The following SLC22A8 variants were observed in gnomAD, a reference collection of about 807,000 sequenced individuals.
SLC22A8 encodes organic anion transporter 3.
A neutral mutation model predicts 48.4 loss-of-function variants in SLC22A8; 40 were observed. That is an observed-to-expected ratio of 0.83 (90% CI 0.64 to 1.08). SLC22A8 has a LOEUF of 1.08. SLC22A8 is among the 50% of genes least tolerant of loss of function. The pLI, the probability that SLC22A8 is intolerant of heterozygous loss-of-function variation, is 0.00. For missense variants in SLC22A8, 606 were observed against 699.0 expected, an observed-to-expected ratio of 0.87 and a Z score of 1.50; for synonymous variants, 268 against 286.3, an observed-to-expected ratio of 0.94 and a Z score of 0.65.
intron 5 of SLC22A8, among the ~76,000 whole-genome samples, chr11:62,996,870 A>C (rs552071683): frequency 2.6e-5 from 4 of 152,362 alleles, no homozygotes; most frequent in Admixed American, 2.6e-4. Context: ...TGTTTGGAGA[A>C]GTCTGGTCCA....
At chr11:63,007,584 C>T (rs772456566) in intron 2 of SLC22A8, among the ~76,000 whole-genome samples, 6 of 152,210 alleles carry the variant, frequency 3.9e-5, no homozygotes, top group Non-Finnish European at 8.8e-5. Flanking sequence ...GCCTCAGCCT[C>T]CCAAAATGCT....
intron 2 of SLC22A8, among the ~76,000 whole-genome samples, chr11:63,013,667 G>A (rs1030918891): frequency 2.0e-5 from 3 of 152,182 alleles, no homozygotes; most frequent in African/African-American, 7.2e-5. Flanking sequence ...CAGCCATGTG[G>A]CACTGGACAA....
chr11:63,001,878 C>T (rs377611802), intron 2 of SLC22A8, among the ~76,000 whole-genome samples: 34 of 152,116 alleles, frequency 2.2e-4, no homozygotes, highest in East Asian at 7.7e-4. Context: ...TCATTAAAGT[C>T]CCAATCTCAG....
At position 63,000,953 on chromosome 11, in the gene SLC22A8, C is replaced by G. The variant is rs867557872; in HGVS notation, c.334-130G>C. ...GACTTTGCCCCTACCTCCCAAGGAC[C>G]GTTTCCTTTTTCAGCCCGGCTCGGA... On this transcript the variant is annotated intron_variant, in intron 2 of 10. Coordinates refer to ENST00000336232, the MANE Select transcript of SLC22A8 (RefSeq NM_004254.4). The G allele has an allele frequency of 4.7e-5, 32 of 687,534 alleles. 1 individual carries two copies. The East Asian group carries it at 8.5e-4, about 18-fold the overall frequency. 42.6% of individuals were successfully genotyped at this position (687,534 alleles called of 1,614,324 possible).
chr11:63,012,360 A>G (rs1363511392), intron 2 of SLC22A8, among the ~76,000 whole-genome samples: 1 of 151,424 alleles, frequency 6.6e-6, no homozygotes, highest in Non-Finnish European at 1.5e-5. Flanking sequence ...CCTGGGGTTC[A>G]CTGCTCACTA....
intron 2 of SLC22A8, among the ~76,000 whole-genome samples, chr11:63,001,400 C>T (rs1172104237): frequency 6.6e-6 from 1 of 152,236 alleles, no homozygotes; most frequent in Non-Finnish European, 1.5e-5. Context: ...CTTGCTGTCA[C>T]TCCATCCTCA....
chr11:62,998,858 T>C, intron 5 of SLC22A8, 63 bp downstream of exon 5: 1 of 1,480,458 alleles, frequency 6.8e-7, no homozygotes, highest in South Asian at 1.2e-5. Flanking sequence ...TGGGCAGGTA[T>C]GGGCTCCCCT....
rs776675777 is a variant in SLC22A8, at chr11:62,999,773, G to A, written c.507C>T (p.Phe169=). ...CCATGTAGATGGGGAAGGTGGGGCT[G>A]AAGGCTGCACCGGAGCCGCTGGCTG... is the stretch of plus-strand genomic sequence containing the variant. The part of the protein sequence containing the change: ...LLAASGSGAA[F]SPTFPIYMVF... The change falls in exon 4 of 11, where the codon TTC becomes TTT. Residue 169 remains phenylalanine (F), a synonymous_variant. Transcript: ENST00000336232. The A allele has an allele frequency of 3.7e-6, 6 of 1,607,522 alleles. No individual in the cohort carries two copies. The highest frequency in any genetic ancestry group is 5.1e-6 in the Non-Finnish European group (6 of 1,176,838).
chr11:63,013,377 G>C (rs1401403793), intron 2 of SLC22A8, among the ~76,000 whole-genome samples: 1 of 152,004 alleles, frequency 6.6e-6, no homozygotes, highest in Admixed American at 6.6e-5. Context: ...ACATCTCCTG[G>C]GCCTCCAGGA....
chr11:63,011,199 C>T (rs1370913085), intron 2 of SLC22A8, among the ~76,000 whole-genome samples: 1 of 152,224 alleles, frequency 6.6e-6, no homozygotes, highest in Non-Finnish European at 1.5e-5. Flanking sequence ...TTTGACTCCC[C>T]ACTCCATCCT....
chr11:63,007,694 C>T (rs1216286917), intron 2 of SLC22A8, among the ~76,000 whole-genome samples: 1 of 151,948 alleles, frequency 6.6e-6, no homozygotes, highest in East Asian at 1.9e-4. Context: ...GAGCTGGGTT[C>T]TGGAAGGAAA....
intron 2 of SLC22A8, among the ~76,000 whole-genome samples, chr11:63,011,542 G>T (rs1384561193): frequency 2.0e-5 from 3 of 152,074 alleles, no homozygotes. Flanking sequence ...GGCTATTGAG[G>T]CATCTTTGAC....
Position 63,014,779 on chromosome 11 carries a change from C to A in SLC22A8, c.180G>T (p.Trp60Cys). 1.2e-6 allele frequency: 2 copies of A among 1,613,712 alleles called. No individual in the cohort carries two copies. Among genetic ancestry groups the A allele is most frequent in the Non-Finnish European group, 1.7e-6 (2 of 1,179,662 alleles). ...TCCCATTTGGGCCCATGGGGAGCAC[C>A]CAAGGCCCTGTGGAGGCATTGTGGG... is the stretch of plus-strand genomic sequence containing the variant. ...RPPHNASTGP[W>C]VLPMGPNGKP... The change falls in exon 2 of 11, where the codon TGG (tryptophan) becomes TGT (cysteine). Residue 60 changes from tryptophan to cysteine, a missense_variant. Transcript: ENST00000336232.
rs151123513 is a variant in SLC22A8 at position 63,014,833 on chromosome 11, G to A, written c.126C>T (p.Ala42=). Residue 42 remains alanine, a synonymous_variant, in exon 2 of 11, where the codon GCC becomes GCT. Transcript: ENST00000336232. ...GGCGACAGTGGTGGACAGGGGTGGC[G>A]GCTGTGAAGATCTGCAGCAGGTTGT... ...ANHNLLQIFT[A]ATPVHHCRPP... is the part of the protein sequence containing the mutation. 1.7e-4 allele frequency: 275 copies of A among 1,612,480 alleles called. No individual in the cohort carries two copies. The African/African-American group carries it at 2.7e-3, about 16-fold the overall frequency.
In SLC22A8 at chr11:62,995,981, A is replaced by C. The variant is rs374751535; in HGVS notation, c.885+48T>G. On this transcript the variant is annotated intron_variant, in intron 6 of 10. Transcript: ENST00000336232. ...AGGCAAGGGGAGGGGCCAGCCCAAGAGTGGAGCACAGGGGTTCTGCTCCCA... is the reference window on the plus strand; with the variant it reads ...AGGCAAGGGGAGGGGCCAGCCCAAGCGTGGAGCACAGGGGTTCTGCTCCCA... 195 of 1,612,820 alleles carry C rather than the reference A, an allele frequency of 1.2e-4. 1 individual carries two copies. In the South Asian group the frequency reaches 1.8e-3, roughly 15 times the overall value.
intron 7 of SLC22A8, chr11:62,995,223 A>T (rs1421188367): frequency 4.2e-6 from 1 of 239,722 alleles, no homozygotes. Context: ...AATGGCCAGG[A>T]TGGGAAGCAG....
At chr11:63,003,666 G>A (rs1590695950) in intron 2 of SLC22A8, among the ~76,000 whole-genome samples, 2 of 152,204 alleles carry the variant, frequency 1.3e-5, no homozygotes, top group South Asian at 4.1e-4. Flanking sequence ...TGATGACCTT[G>A]TACTGAGTGG....
Position 62,995,785 on chromosome 11 carries a change from A to G in SLC22A8, c.920T>C (p.Leu307Ser), listed in dbSNP as rs751380294. 13 of 1,614,000 alleles carry G rather than the reference A, an allele frequency of 8.1e-6. No individual in the cohort carries two copies. Among genetic ancestry groups the G allele is most frequent in the African/African-American group, 1.3e-5 (1 of 74,908 alleles). ...LKLNLQKEIS[L>S]AKAKYTASDL... The stretch of plus-strand genomic sequence containing the variant: ...ACTTGCGGTGTACTTGGCCTTGGCC[A>G]AGGAGATCTCCTTCTGCAGGTTGAG... The change falls in exon 7 of 11, where the codon TTG (leucine) becomes TCG (serine). Residue 307 changes from leucine to serine, a missense_variant. Transcript: ENST00000336232.
chr11:63,008,955 G>A (rs563235441), intron 2 of SLC22A8, among the ~76,000 whole-genome samples: 1 of 152,230 alleles, frequency 6.6e-6, no homozygotes, highest in East Asian at 1.9e-4. Flanking sequence ...GCTCACTGGT[G>A]AGTTCCTGAT....
Sources: gnomAD v4.1 joint callset for allele counts (sites outside exome capture counted in the v4.1 genomes callset) on GRCh38, gnomAD v4.1.1 for gene constraint, MANE v1.5 for transcripts, NCBI Gene and HGNC (gene_info 2026-07-23, HGNC 2026-07-21) for gene names.